LGSN: variants seen among roughly 807,000 people sequenced by gnomAD.
LGSN encodes the protein lengsin.
In LGSN, 21 loss-of-function variants were observed where a neutral mutation model predicts 19.5. The ratio of observed to expected loss-of-function variants is 1.07; its 90% confidence interval spans 0.76 to 1.55. The LOEUF is 1.55. LGSN is among the 40% of genes most tolerant of loss of function. The probability of loss-of-function intolerance (pLI) is 0.00; values close to 1 mark genes in which losing one functional copy is unlikely to be tolerated. For missense variants in LGSN, 673 were observed against 608.5 expected (o/e 1.11, Z -1.12); for synonymous variants, 257 against 215.6 (o/e 1.19, Z -1.68).
the LGSN span, among the ~76,000 whole-genome samples, chr6:63,388,137 A>G: frequency 6.6e-6 from 1 of 151,890 alleles, no homozygotes. Flanking sequence ...TGGCCTCCCA[A>G]TGTGCTAGGA....
At chr6:63,456,346 A>AAT in the LGSN span, among the ~76,000 whole-genome samples, 2,830 of 100,334 alleles carry the variant, frequency 0.028, 452 homozygotes, top group Non-Finnish European at 0.033. Context: ...ACTTGGCAGA[A>AAT]ATATACATAT....
At chr6:63,462,227 A>G in the LGSN span, among the ~76,000 whole-genome samples, 2 of 152,214 alleles carry the variant, frequency 1.3e-5, no homozygotes, top group Non-Finnish European at 2.9e-5. Flanking sequence ...TGTCTTTCCC[A>G]GTGGACTGTG....
chr6:63,388,809 C>A, the LGSN span, among the ~76,000 whole-genome samples: 2 of 152,186 alleles, frequency 1.3e-5, no homozygotes, highest in African/African-American at 4.8e-5. Flanking sequence ...AGACAGAGAA[C>A]TTGTTGTCAG....
At chr6:63,302,767 T>G (rs1020675005) in intron 1 of LGSN, among the ~76,000 whole-genome samples, 2 of 152,184 alleles carry the variant, frequency 1.3e-5, no homozygotes, top group Admixed American at 6.6e-5. Flanking sequence ...TTGTCGAGTG[T>G]GGACTCATGG....
At chr6:63,408,157 T>C in the LGSN span, among the ~76,000 whole-genome samples, 1 of 152,210 alleles carries the variant, frequency 6.6e-6, no homozygotes, top group Non-Finnish European at 1.5e-5. Context: ...CATGACTTTC[T>C]TTGCAGAATT....
At chr6:63,295,143 T>A in intron 1 of LGSN, 98 bp from the exon 2 acceptor site, 2 of 1,116,772 alleles carry the variant, frequency 1.8e-6, no homozygotes, top group Non-Finnish European at 1.3e-6. Flanking sequence ...AATTTTTTAA[T>A]GAGCATAGAA....
the LGSN span, among the ~76,000 whole-genome samples, chr6:63,402,929 T>C: frequency 7.9e-5 from 12 of 152,180 alleles, no homozygotes; most frequent in Non-Finnish European, 1.8e-4. Flanking sequence ...ATAAGAAATT[T>C]TATTTCCAAA....
At chr6:63,429,999 T>A in the LGSN span, among the ~76,000 whole-genome samples, 3 of 152,208 alleles carry the variant, frequency 2.0e-5, no homozygotes, top group South Asian at 6.2e-4. Context: ...AGCCAAAATT[T>A]CCCGGAAATG....
chr6:63,470,293 C>T, the LGSN span, among the ~76,000 whole-genome samples: 195 of 151,836 alleles, frequency 1.3e-3, 1 homozygote, highest in Middle Eastern at 6.8e-3. Flanking sequence ...CGTGGCAAAA[C>T]CCCGTCTCTA....
chr6:63,491,820 C>G, the LGSN span, among the ~76,000 whole-genome samples: 1 of 152,146 alleles, frequency 6.6e-6, no homozygotes, highest in Non-Finnish European at 1.5e-5. Flanking sequence ...CTCCTGAGGT[C>G]AGAAGTTCAA....
At chr6:63,445,849 G>A in the LGSN span, among the ~76,000 whole-genome samples, 5 of 152,014 alleles carry the variant, frequency 3.3e-5, no homozygotes, top group Admixed American at 6.6e-5. Context: ...TCATAACACA[G>A]CCATAGTGAT....
intron 1 of LGSN, among the ~76,000 whole-genome samples, chr6:63,312,101 G>A (rs1027142781): frequency 2.6e-5 from 4 of 152,158 alleles, no homozygotes; most frequent in Non-Finnish European, 4.4e-5. Context: ...TAATGCCTGG[G>A]CTAAGCTAAT....
At chr6:63,438,635 C>CA in the LGSN span, among the ~76,000 whole-genome samples, 1 of 152,044 alleles carries the variant, frequency 6.6e-6, no homozygotes, top group African/African-American at 2.4e-5. Context: ...CAGAGAAATG[C>CA]AAATCAAAAC....
At chr6:63,441,578 G>A in the LGSN span, 1 of 449,138 alleles carries the variant, frequency 2.2e-6, no homozygotes, top group Non-Finnish European at 4.3e-6. Context: ...GAGAGGCAGA[G>A]AAGTATGAGG....
At chr6:63,470,488 A>AG in the LGSN span, among the ~76,000 whole-genome samples, 1 of 150,794 alleles carries the variant, frequency 6.6e-6, no homozygotes, top group East Asian at 1.9e-4. Flanking sequence ...AAAAAAAAAA[A>AG]GAAAGAAAAG....
the LGSN span, among the ~76,000 whole-genome samples, chr6:63,557,577 A>C: frequency 6.6e-6 from 1 of 152,172 alleles, no homozygotes; most frequent in East Asian, 1.9e-4. Flanking sequence ...TAAAAATAAA[A>C]ATATAAATTA....
chr6:63,302,457 G>A (rs931784678), intron 1 of LGSN, among the ~76,000 whole-genome samples: 2 of 152,282 alleles, frequency 1.3e-5, no homozygotes, highest in African/African-American at 4.8e-5. Context: ...CTTGAACACA[G>A]GTTTCTGATA....
chr6:63,338,456 C>T, the LGSN span, among the ~76,000 whole-genome samples: 20 of 152,076 alleles, frequency 1.3e-4, no homozygotes, highest in African/African-American at 4.6e-4. Flanking sequence ...GGAATTCACC[C>T]ATTTCTTAAT....
the LGSN span, among the ~76,000 whole-genome samples, chr6:63,470,912 T>A: frequency 6.7e-6 from 1 of 149,904 alleles, no homozygotes; most frequent in Non-Finnish European, 1.5e-5. Flanking sequence ...AAATCTTAAA[T>A]GCAGCTCAGA....
Sources: allele counts gnomAD v4.1 joint callset (sites outside exome capture counted in the v4.1 genomes callset), GRCh38; gene constraint gnomAD v4.1.1; transcripts MANE v1.5; gene names NCBI Gene and HGNC (gene_info 2026-07-23, HGNC 2026-07-21).